The following WASHC2A variants were observed in gnomAD, a reference collection of about 807,000 sequenced individuals.
WASHC2A encodes WASH complex subunit FAM21A.
A neutral mutation model predicts 140.3 loss-of-function variants in WASHC2A; 82 were observed. The observed-to-expected ratio is 0.58, with a 90% CI of 0.49 to 0.70. The LOEUF (loss-of-function observed/expected upper bound fraction) is 0.70. Ranked by LOEUF, WASHC2A falls within the 30% of genes least tolerant of loss-of-function variation. The pLI is 0.00. For synonymous variants in WASHC2A, 340 were observed against 560.8 expected (o/e 0.61, Z 5.56); for missense variants, 985 against 1,521.8 (o/e 0.65, Z 5.87).
intron 3 of WASHC2A, 106 bp downstream of exon 3, chr10:50,069,817 T>C (rs1554875635): frequency 8.2e-7 from 1 of 1,218,410 alleles, no homozygotes; most frequent in Non-Finnish European, 1.1e-6. Context: ...GGAAGTGTGG[T>C]TCTTGGTAAT....
In WASHC2A at chr10:50,115,414, G is replaced by A. The variant is rs1474695840; in HGVS notation, c.2142+1417G>A. On this transcript the variant is annotated intron_variant, in intron 21 of 30. Coordinates refer to ENST00000282633, the MANE Select transcript of WASHC2A (RefSeq NM_001005751.3). ...GAATGCGTCCCAGAGTGGGCCACAC[G>A]AGACACAGCATTTATACATTTCTGT... Among the ~76,000 whole-genome samples, 347 of 102,290 alleles carry A rather than the reference G, an allele frequency of 3.4e-3. 18 individuals are homozygous for A. The highest frequency in any genetic ancestry group is 0.012 in the African/African-American group (324 of 27,398). The allele number at this position is 102,290 out of a possible 152,430, so 67.1% of individuals were successfully genotyped here. A position where few individuals can be genotyped will look rare whatever the true frequency, so the allele number is the denominator to read the frequency against.
At chr10:50,098,293 T>C (rs1461034720) in intron 16 of WASHC2A, among the ~76,000 whole-genome samples, 1 of 152,050 alleles carries the variant, frequency 6.6e-6, no homozygotes, top group African/African-American at 2.4e-5. Flanking sequence ...GAATACAGAT[T>C]TAAAATTATC....
chr10:50,124,138 T>C, intron 23 of WASHC2A, among the ~76,000 whole-genome samples: 1 of 152,180 alleles, frequency 6.6e-6, no homozygotes, highest in Non-Finnish European at 1.5e-5. Context: ...GGAGTCCTAC[T>C]GTGTTGCCCA....
chr10:50,130,666 C>T (rs1843880969), intron 29 of WASHC2A, among the ~76,000 whole-genome samples: 1 of 152,102 alleles, frequency 6.6e-6, no homozygotes, highest in Admixed American at 6.5e-5. Context: ...GGAGGTGCTC[C>T]TTTAGGCAGG....
At chr10:50,130,751 T>A in intron 29 of WASHC2A, 150 bp from the exon 30 acceptor site, 1 of 1,264,628 alleles carries the variant, frequency 7.9e-7, no homozygotes, top group Non-Finnish European at 1.1e-6. Context: ...TGTGCAGAGA[T>A]CTGGGGTAGT....
intron 11 of WASHC2A, among the ~76,000 whole-genome samples, chr10:50,092,812 T>G (rs1840062160): frequency 6.6e-6 from 1 of 152,190 alleles, no homozygotes; most frequent in African/African-American, 2.4e-5. Context: ...CTTAGGAATC[T>G]CTAGCATTTG....
At chr10:50,072,731 A>C (rs1291249177) in intron 3 of WASHC2A, among the ~76,000 whole-genome samples, 1 of 151,646 alleles carries the variant, frequency 6.6e-6, no homozygotes, top group East Asian at 1.9e-4. Context: ...CTCATGATCC[A>C]CCCGCCTTGG....
chr10:50,106,077 A>G (rs1312046175), intron 18 of WASHC2A, among the ~76,000 whole-genome samples: 1 of 151,368 alleles, frequency 6.6e-6, no homozygotes, highest in Non-Finnish European at 1.5e-5. Flanking sequence ...GTACTTCATG[A>G]TCTCATTTGC....
chr10:50,076,577 G>A (rs530274023), intron 3 of WASHC2A, among the ~76,000 whole-genome samples: 34 of 152,280 alleles, frequency 2.2e-4, no homozygotes, highest in Middle Eastern at 3.4e-3. Context: ...GCTAGTGACA[G>A]GGAATTCTAC....
In WASHC2A at chr10:50,100,030, A is replaced by C; in HGVS notation, c.1601A>C (p.Gln534Pro). 6.4e-7 allele frequency: 1 copy of C among 1,572,286 alleles called. No individual in the cohort carries two copies. The highest frequency in any genetic ancestry group is 8.6e-7 in the Non-Finnish European group (1 of 1,160,474). Residue 534 changes from glutamine to proline, a missense_variant, in exon 17 of 31, where the codon CAA (glutamine) becomes CCA (proline). Coordinates refer to ENST00000282633, the MANE Select transcript of WASHC2A (RefSeq NM_001005751.3). ...AAGCCCTCATCAGAAACAAAGACTCAAAAAGGCTTATTTTCAGATGAGGAG... is the reference window on the plus strand; with the variant it reads ...AAGCCCTCATCAGAAACAAAGACTCCAAAAGGCTTATTTTCAGATGAGGAG... ...NLKPSSETKT[Q>P]KGLFSDEEDS...
chr10:50,112,560 TA>T (rs1842373460), intron 20 of WASHC2A, among the ~76,000 whole-genome samples: 19 of 85,438 alleles, frequency 2.2e-4, no homozygotes, highest in Admixed American at 3.9e-4. Flanking sequence ...TATATACGTA[TA>T]AAGAGAAATG....
intron 2 of WASHC2A, 82 bp from the exon 3 acceptor site, chr10:50,069,465 G>A (rs1837598387): frequency 6.8e-7 from 1 of 1,476,742 alleles, no homozygotes; most frequent in African/African-American, 1.4e-5. Context: ...AAAGGTGAAA[G>A]GAAATGGGTT....
intron 21 of WASHC2A, among the ~76,000 whole-genome samples, chr10:50,115,778 AT>A (rs1206808026): frequency 1.4e-5 from 2 of 147,004 alleles, no homozygotes; most frequent in Admixed American, 6.8e-5. Flanking sequence ...ATTTTAGACA[AT>A]TTTTTTTTCT....
intron 6 of WASHC2A, among the ~76,000 whole-genome samples, chr10:50,084,809 C>T (rs1398331317): frequency 2.0e-5 from 3 of 149,624 alleles, no homozygotes; most frequent in Non-Finnish European, 3.0e-5. Context: ...GATCTTGGCT[C>T]ACTGCAACCT....
At chr10:50,101,911 C>G (rs1841228514) in intron 17 of WASHC2A, among the ~76,000 whole-genome samples, 1 of 152,056 alleles carries the variant, frequency 6.6e-6, no homozygotes, top group Non-Finnish European at 1.5e-5. Context: ...GTCAGGGAAG[C>G]CGGTCCTCTT....
intron 14 of WASHC2A, 40 bp from the exon 15 acceptor site, chr10:50,095,559 C>T (rs547685262): frequency 6.2e-7 from 1 of 1,611,494 alleles, no homozygotes; most frequent in South Asian, 1.1e-5. Flanking sequence ...CCGGCCCACA[C>T]TGGCTCACAG....
At position 50,129,696 on chromosome 10, in the gene WASHC2A, A is replaced by G. The variant is rs1396150410; in HGVS notation, c.3365A>G (p.His1122Arg). ...DRSPFAKSLGHSRGEADLFDS... is the reference protein window; with the variant it reads ...DRSPFAKSLGRSRGEADLFDS... ...AGCCCCTTTGCAAAGTCTCTGGGTC[A>G]TTCCAGAGGGGAGGCTGACCTTTTT... The change falls in exon 29 of 31, where the codon CAT becomes CGT. Residue 1122 changes from histidine (H) to arginine (R), a missense_variant. His to Arg is a conservative substitution (Grantham distance 29, BLOSUM62 0). Coordinates refer to ENST00000282633, the MANE Select transcript of WASHC2A (RefSeq NM_001005751.3). The G allele has an allele frequency of 1.1e-5, 17 of 1,611,966 alleles. No individual in the cohort carries two copies. In the East Asian group the frequency reaches 3.6e-4, roughly 34 times the overall value.
rs1219732706 is a variant in WASHC2A at position 50,131,107 on chromosome 10, G to C, written c.3886+29G>C. 5 of 1,611,976 alleles carry C rather than the reference G, an allele frequency of 3.1e-6. No homozygotes were observed. The African/African-American group carries it at 5.3e-5, about 17-fold the overall frequency. On this transcript the variant is annotated intron_variant, in intron 30 of 30. Transcript: ENST00000282633. ...AGTTTGGTTTTCTACATCTGACCTA[G>C]AGAATTCTTACCTTTCTGTCACTTG... is the stretch of plus-strand genomic sequence containing the variant.
intron 4 of WASHC2A, 105 bp downstream of exon 4, chr10:50,078,842 G>A (rs1838623930): frequency 1.9e-6 from 3 of 1,608,760 alleles, no homozygotes; most frequent in Admixed American, 3.4e-5. Flanking sequence ...GGTTGGGAAA[G>A]GGAGGGACTG....
Sources: gnomAD v4.1 joint callset for allele counts (sites outside exome capture counted in the v4.1 genomes callset) on GRCh38, gnomAD v4.1.1 for gene constraint, MANE v1.5 for transcripts, NCBI Gene and HGNC (gene_info 2026-07-23, HGNC 2026-07-21) for gene names.